SLX4IP: variants seen among roughly 807,000 people sequenced by gnomAD.
The protein encoded by SLX4IP is protein SLX4IP.
Under a neutral mutation model 32.9 loss-of-function variants are expected in SLX4IP, and 34 were observed. That is an observed-to-expected ratio of 1.03 (90% confidence interval 0.79 to 1.38). The LOEUF (loss-of-function observed/expected upper bound fraction) is 1.38, where lower values mean the gene tolerates loss of function less well. Among genes scored for constraint, SLX4IP ranks in the 40% most tolerant of loss-of-function variants. The pLI is 0.00. For synonymous variants in SLX4IP, 172 were observed against 171.7 expected (o/e 1.00, Z -0.01); for missense variants, 444 against 479.0 (o/e 0.93, Z 0.68).
chr20:10,450,853 G>T (rs1029597719), intron 1 of SLX4IP, among the ~76,000 whole-genome samples: 1 of 152,064 alleles, frequency 6.6e-6, no homozygotes, highest in African/African-American at 2.4e-5. Flanking sequence ...CCGGGTTCAC[G>T]CCATTCTCCT....
At chr20:10,569,412 C>G (rs143339438) in intron 4 of SLX4IP, among the ~76,000 whole-genome samples, 1,640 of 152,192 alleles carry the variant, frequency 0.011, 7 homozygotes, top group Non-Finnish European at 0.012. Flanking sequence ...TGATCCACCC[C>G]CTTCGGCCTC....
At chr20:10,621,714 AATTCCT>A (rs2067114260) in intron 7 of SLX4IP, among the ~76,000 whole-genome samples, 1 of 152,120 alleles carries the variant, frequency 6.6e-6, no homozygotes, top group African/African-American at 2.4e-5. Context: ...GAAAAAAAAA[AATTCCT>A]TTCCTAGGAT....
chr20:10,518,490 T>TTTCCTTCCTTCC (rs201990578), intron 2 of SLX4IP, among the ~76,000 whole-genome samples: 10 of 65,832 alleles, frequency 1.5e-4, no homozygotes, highest in South Asian at 8.0e-4. Context: ...TTCCTTTCCT[T>TTTCCTTCCTTCC]TTCCTTCCTT....
At chr20:10,529,843 G>C (rs964939942) in intron 2 of SLX4IP, among the ~76,000 whole-genome samples, 1 of 152,088 alleles carries the variant, frequency 6.6e-6, no homozygotes, top group Non-Finnish European at 1.5e-5. Flanking sequence ...AGTTTGGGAA[G>C]CATTTTGAAT....
At chr20:10,502,938 C>T (rs888111818) in intron 2 of SLX4IP, among the ~76,000 whole-genome samples, 3 of 152,140 alleles carry the variant, frequency 2.0e-5, no homozygotes, top group African/African-American at 7.2e-5. Context: ...GTTCTAGTAG[C>T]CCTTCACAAT....
intron 4 of SLX4IP, among the ~76,000 whole-genome samples, chr20:10,574,564 C>G (rs2066502417): frequency 6.6e-6 from 1 of 152,084 alleles, no homozygotes; most frequent in Admixed American, 6.6e-5. Context: ...TGGGCTTGTT[C>G]ACATTTACAA....
rs529859069 is a variant in SLX4IP, at chr20:10,471,023, G to T, written c.27+12792G>T. ...CTTCAGCTATAAGGTAGGATTAACA[G>T]CAGTGTCTGTTTTACAGGGTTTCTT... On this transcript the variant is annotated intron_variant, in intron 2 of 7. Transcript: ENST00000334534. Among the ~76,000 whole-genome samples the T allele has an allele frequency of 4.7e-3, 709 of 152,316 alleles. 15 individuals are homozygous for T. The South Asian group carries it at 0.067, about 14-fold the overall frequency.
At chr20:10,510,023 A>G (rs139433272) in intron 2 of SLX4IP, among the ~76,000 whole-genome samples, 1 of 152,346 alleles carries the variant, frequency 6.6e-6, no homozygotes, top group African/African-American at 2.4e-5. Context: ...TTATGCAGCT[A>G]TTAACATTCT....
At chr20:10,538,847 G>C (rs1189309945) in intron 2 of SLX4IP, among the ~76,000 whole-genome samples, 1 of 152,100 alleles carries the variant, frequency 6.6e-6, no homozygotes, top group Non-Finnish European at 1.5e-5. Context: ...GTATTATTTT[G>C]AGGTAAACTG....
chr20:10,486,410 G>A (rs1477264561), intron 2 of SLX4IP, among the ~76,000 whole-genome samples: 1 of 152,064 alleles, frequency 6.6e-6, no homozygotes, highest in Non-Finnish European at 1.5e-5. Flanking sequence ...AAGAGAAGGA[G>A]CTCTTTGTAC....
chr20:10,510,778 G>T (rs987805103), intron 2 of SLX4IP, among the ~76,000 whole-genome samples: 16 of 151,834 alleles, frequency 1.1e-4, no homozygotes, highest in African/African-American at 3.9e-4. Flanking sequence ...CTAACTTTTT[G>T]TATTTTTAGT....
At position 10,627,530 on chromosome 20, in the gene SLX4IP, T is replaced by G. The variant is rs1422435972; in HGVS notation, c.*4151T>G. ...TCTGCAGGACTCACTCTAATTTGCT[T>G]TCTATATTTATTTACAAGACAGGGA... On this transcript the variant is annotated 3_prime_UTR_variant, in exon 8 of 8. Coordinates refer to ENST00000334534, the MANE Select transcript of SLX4IP (RefSeq NM_001009608.3). 2.6e-5 allele frequency: 4 copies of G among 152,220 alleles called. No homozygotes were observed. Among genetic ancestry groups the G allele is most frequent in the Non-Finnish European group, 5.9e-5 (4 of 68,044 alleles). The allele number at this position is 152,220 out of a possible 1,614,324, so 9.4% of individuals were successfully genotyped here.
chr20:10,459,004 C>T (rs2065312667), intron 2 of SLX4IP, among the ~76,000 whole-genome samples: 1 of 152,216 alleles, frequency 6.6e-6, no homozygotes, highest in East Asian at 1.9e-4. Context: ...TCCTTTTTCT[C>T]CGCAATCTCA....
intron 1 of SLX4IP, among the ~76,000 whole-genome samples, chr20:10,438,714 C>T (rs559024450): frequency 6.6e-4 from 101 of 151,980 alleles, no homozygotes; most frequent in Non-Finnish European, 1.2e-3. Flanking sequence ...AAATGATCTG[C>T]CTACCTTGGC....
intron 4 of SLX4IP, among the ~76,000 whole-genome samples, chr20:10,590,011 A>G (rs924454865): frequency 4.6e-5 from 7 of 151,948 alleles, no homozygotes; most frequent in Admixed American, 4.6e-4. Context: ...CAGCTTCCAA[A>G]CTGCCTCCTC....
At chr20:10,605,090 G>C (rs1286837394) in intron 6 of SLX4IP, among the ~76,000 whole-genome samples, 1 of 152,130 alleles carries the variant, frequency 6.6e-6, no homozygotes, top group East Asian at 1.9e-4. Flanking sequence ...CAGATGTAAA[G>C]TCCTGGAGCC....
chr20:10,500,195 T>A (rs1196965825), intron 2 of SLX4IP, among the ~76,000 whole-genome samples: 1 of 134,460 alleles, frequency 7.4e-6, no homozygotes, highest in African/African-American at 2.8e-5. Context: ...AGTGCAATGG[T>A]GCAATCTCAG....
intron 1 of SLX4IP, among the ~76,000 whole-genome samples, chr20:10,437,628 C>G (rs2065126163): frequency 6.6e-6 from 1 of 152,198 alleles, no homozygotes; most frequent in South Asian, 2.1e-4. Context: ...AGAAAGTTGT[C>G]CAGCCTTTCT....
At chr20:10,535,996 G>A (rs2066039471) in intron 2 of SLX4IP, among the ~76,000 whole-genome samples, 1 of 97,584 alleles carries the variant, frequency 1.0e-5, no homozygotes, top group Non-Finnish European at 2.5e-5. Flanking sequence ...ACTAGTGAGG[G>A]AGAAAAGCAG....
Sources: gnomAD v4.1 joint callset for allele counts (sites outside exome capture counted in the v4.1 genomes callset) on GRCh38, gnomAD v4.1.1 for gene constraint, MANE v1.5 for transcripts, NCBI Gene and HGNC (gene_info 2026-07-23, HGNC 2026-07-21) for gene names.